Variants in MSRB3 observed in about 807,000 individuals in gnomAD.
The protein encoded by MSRB3 is methionine sulfoxide reductase B3.
Under a neutral mutation model 21.0 loss-of-function variants are expected in MSRB3, and 13 were observed. The observed-to-expected ratio is 0.62, with a 90% CI of 0.40 to 0.98. MSRB3 has a LOEUF of 0.98. MSRB3 is among the 50% of genes least tolerant of loss of function. The probability of loss-of-function intolerance (pLI) is 0.00; values close to 1 mark genes in which losing one functional copy is unlikely to be tolerated. For synonymous variants in MSRB3, 87 were observed against 88.6 expected (o/e 0.98, Z 0.10); for missense variants, 199 against 230.3 (o/e 0.86, Z 0.88).
intron 4 of MSRB3, among the ~76,000 whole-genome samples, chr12:65,345,549 G>A (rs954625176): frequency 6.6e-6 from 1 of 151,936 alleles, no homozygotes; most frequent in Non-Finnish European, 1.5e-5. Context: ...GATAACACAC[G>A]TAGGAAATGC....
Position 65,465,174 on chromosome 12 carries a change from A to C in MSRB3, c.*1852A>C, listed in dbSNP as rs886237410. On this transcript the variant is annotated 3_prime_UTR_variant, in exon 7 of 7. Coordinates refer to ENST00000308259, the MANE Select transcript of MSRB3 (RefSeq NM_001031679.3). Reference sequence around the variant, plus strand: ...CAACACGGCTAGTTTTACTTTGAGAAGCTCTGCTCAGCTGCTTTATAACAT... The same window carrying C: ...CAACACGGCTAGTTTTACTTTGAGACGCTCTGCTCAGCTGCTTTATAACAT... The C allele has an allele frequency of 3.3e-5, 5 of 152,192 alleles. No homozygotes were observed. The highest frequency in any genetic ancestry group is 1.2e-4 in the African/African-American group (5 of 41,436). 9.4% of individuals were successfully genotyped at this position (152,192 alleles called of 1,614,324 possible). A position where few individuals can be genotyped will look rare whatever the true frequency, so the allele number is the denominator to read the frequency against.
At chr12:65,439,600 A>C (rs1019959569) in intron 5 of MSRB3, among the ~76,000 whole-genome samples, 4 of 151,684 alleles carry the variant, frequency 2.6e-5, no homozygotes, top group Non-Finnish European at 5.9e-5. Flanking sequence ...TAATCCAATG[A>C]AACTAGAGAT....
intron 2 of MSRB3, among the ~76,000 whole-genome samples, chr12:65,326,394 A>C (rs963517318): frequency 6.6e-6 from 1 of 152,182 alleles, no homozygotes; most frequent in African/African-American, 2.4e-5. Flanking sequence ...GTTTCAGGCT[A>C]TTCTACTAAG....
chr12:65,359,174 C>T (rs1877562349), intron 4 of MSRB3, among the ~76,000 whole-genome samples: 1 of 151,898 alleles, frequency 6.6e-6, no homozygotes, highest in Non-Finnish European at 1.5e-5. Flanking sequence ...CTCTCTTTGC[C>T]TTCTAAATAA....
intron 2 of MSRB3, among the ~76,000 whole-genome samples, chr12:65,321,789 T>G (rs1874682164): frequency 6.6e-6 from 1 of 152,178 alleles, no homozygotes; most frequent in South Asian, 2.1e-4. Context: ...TGCTTAGTTT[T>G]CCAGTGACAA....
At chr12:65,383,001 G>A (rs1480539117) in intron 5 of MSRB3, among the ~76,000 whole-genome samples, 3 of 151,822 alleles carry the variant, frequency 2.0e-5, no homozygotes, top group Non-Finnish European at 4.4e-5. Flanking sequence ...AAATTAGTAT[G>A]CATTTTATGC....
At chr12:65,327,164 CT>C (rs1376633086) in intron 3 of MSRB3, among the ~76,000 whole-genome samples, 2 of 152,154 alleles carry the variant, frequency 1.3e-5, no homozygotes, top group Admixed American at 6.5e-5. Context: ...AGTCACAAAG[CT>C]TTTGTTAAGG....
At chr12:65,458,719 A>G (rs886341149) in intron 6 of MSRB3, among the ~76,000 whole-genome samples, 4 of 152,320 alleles carry the variant, frequency 2.6e-5, no homozygotes, top group Middle Eastern at 3.4e-3. Context: ...TCTCTTCCAA[A>G]GAGGATCTTC....
At chr12:65,428,652 G>C (rs893269145) in intron 5 of MSRB3, among the ~76,000 whole-genome samples, 1 of 152,094 alleles carries the variant, frequency 6.6e-6, no homozygotes, top group Non-Finnish European at 1.5e-5. Flanking sequence ...CCTCTGCCCA[G>C]AGTTTTTCCA....
intron 6 of MSRB3, among the ~76,000 whole-genome samples, chr12:65,459,278 C>T (rs764167816): frequency 1.1e-3 from 161 of 152,088 alleles, no homozygotes; most frequent in Admixed American, 2.1e-3. Flanking sequence ...AAATATGCAC[C>T]AATAGAAAGT....
At chr12:65,347,956 G>A (rs1472476429) in intron 4 of MSRB3, among the ~76,000 whole-genome samples, 1 of 152,156 alleles carries the variant, frequency 6.6e-6, no homozygotes, top group Non-Finnish European at 1.5e-5. Context: ...TGGTGGATAA[G>A]CTTTTTGATG....
At chr12:65,343,976 G>A (rs150547759) in intron 4 of MSRB3, among the ~76,000 whole-genome samples, 109 of 152,190 alleles carry the variant, frequency 7.2e-4, no homozygotes, top group African/African-American at 2.4e-3. Flanking sequence ...TACTGTGTGT[G>A]ACTTTGAATA....
At chr12:65,278,891 C>T in intron 1 of MSRB3, 26 bp downstream of exon 1, 1 of 1,549,098 alleles carries the variant, frequency 6.5e-7, no homozygotes, top group Non-Finnish European at 8.7e-7. Flanking sequence ...CCTCCCCTCT[C>T]CTCCTCGCCT....
intron 5 of MSRB3, among the ~76,000 whole-genome samples, chr12:65,375,646 C>G (rs1044106912): frequency 6.6e-6 from 1 of 151,952 alleles, no homozygotes; most frequent in African/African-American, 2.4e-5. Flanking sequence ...GCCATGTTGC[C>G]CAGGCTAGTC....
chr12:65,392,142 AG>A (rs1452625333), intron 5 of MSRB3, among the ~76,000 whole-genome samples: 2 of 152,128 alleles, frequency 1.3e-5, no homozygotes. Context: ...TTGAAAACAG[AG>A]GTGCCTGGGC....
At chr12:65,340,272 A>G (rs186679732) in intron 4 of MSRB3, among the ~76,000 whole-genome samples, 1 of 152,310 alleles carries the variant, frequency 6.6e-6, no homozygotes, top group Non-Finnish European at 1.5e-5. Flanking sequence ...TAGGACTGGC[A>G]GACAGCAACA....
At chr12:65,459,184 C>T in intron 6 of MSRB3, among the ~76,000 whole-genome samples, 1 of 152,164 alleles carries the variant, frequency 6.6e-6, no homozygotes. Flanking sequence ...GCTGCTATTA[C>T]TGCTTGAGTC....
chr12:65,300,746 G>T (rs7968483), intron 1 of MSRB3, among the ~76,000 whole-genome samples: 1 of 152,142 alleles, frequency 6.6e-6, no homozygotes, highest in Non-Finnish European at 1.5e-5. Context: ...GCTCTGCCCC[G>T]TATCTCCTTA....
At chr12:65,423,524 C>T (rs1227765968) in intron 5 of MSRB3, among the ~76,000 whole-genome samples, 2 of 152,086 alleles carry the variant, frequency 1.3e-5, no homozygotes, top group African/African-American at 4.8e-5. Context: ...TCCTACTATA[C>T]CTAATTTGTT....
Sources: gnomAD v4.1 joint callset for allele counts (sites outside exome capture counted in the v4.1 genomes callset) on GRCh38, gnomAD v4.1.1 for gene constraint, MANE v1.5 for transcripts, NCBI Gene and HGNC (gene_info 2026-07-23, HGNC 2026-07-21) for gene names.